ROBO2: variants seen among roughly 807,000 people sequenced by gnomAD.
The protein encoded by ROBO2 is roundabout homolog 2.
A neutral mutation model predicts 160.8 loss-of-function variants in ROBO2; 53 were observed. That is an observed-to-expected ratio of 0.33 (90% CI 0.26 to 0.41). The LOEUF (loss-of-function observed/expected upper bound fraction) is 0.41, where lower values mean the gene tolerates loss of function less well. Ranked by LOEUF, ROBO2 falls within the 10% of genes least tolerant of loss-of-function variation. The pLI, the probability that ROBO2 is intolerant of heterozygous loss-of-function variation, is 1.00. For synonymous variants in ROBO2, 664 were observed against 611.7 expected (o/e 1.09, Z -1.26); for missense variants, 1,577 against 1,722.4 (o/e 0.92, Z 1.49).
chr3:77,620,772 A>T (rs2094884330), intron 22 of ROBO2, among the ~76,000 whole-genome samples: 1 of 152,356 alleles, frequency 6.6e-6, no homozygotes, highest in South Asian at 2.1e-4. Context: ...CGGGAAGATT[A>T]AAATATTTTC....
At chr3:77,023,441 T>G (rs1013424239) in intron 2 of ROBO2, among the ~76,000 whole-genome samples, 1 of 152,226 alleles carries the variant, frequency 6.6e-6, no homozygotes, top group African/African-American at 2.4e-5. Flanking sequence ...AAACCATTTT[T>G]TTCTTTCATG....
At chr3:77,577,724 A>G (rs1395246096) in intron 15 of ROBO2, 110 bp downstream of exon 16, 8 of 1,315,312 alleles carry the variant, frequency 6.1e-6, no homozygotes, top group South Asian at 1.2e-5. Context: ...GTTTAAGTGT[A>G]AAGTTTTTAT....
At chr3:75,975,257 T>G (rs1288864484) in intron 2 of ROBO2, among the ~76,000 whole-genome samples, 3 of 151,476 alleles carry the variant, frequency 2.0e-5, no homozygotes, top group Non-Finnish European at 4.4e-5. Flanking sequence ...TAAACATATT[T>G]GTACCAATTT....
chr3:76,556,157 A>C lies in ROBO2; in HGVS notation c.110-541857A>C, dbSNP rs376002898. ...GTGAGAAAGAAAGAAAGAAAAAAGA[A>C]AAACTCCATAGGTTGTAGTCCTCAG... On this transcript the variant is annotated intron_variant, in intron 2 of 26. Transcript: ENST00000487694. Among the ~76,000 whole-genome samples the C allele has an allele frequency of 3.1e-3, 470 of 152,284 alleles. 7 individuals are homozygous for C. In the South Asian group the frequency reaches 0.033, roughly 11 times the overall value.
At chr3:76,784,330 A>G (rs1038630708) in intron 2 of ROBO2, among the ~76,000 whole-genome samples, 3 of 151,108 alleles carry the variant, frequency 2.0e-5, no homozygotes, top group African/African-American at 7.3e-5. Context: ...CCATGAGTAT[A>G]TCTGCTCCAC....
chr3:76,230,796 A>G (rs1392711875), intron 2 of ROBO2, among the ~76,000 whole-genome samples: 1 of 152,200 alleles, frequency 6.6e-6, no homozygotes, highest in East Asian at 1.9e-4. Flanking sequence ...TTATTTGGAA[A>G]TACATTTTTT....
At chr3:75,979,869 T>C (rs1385315639) in intron 2 of ROBO2, among the ~76,000 whole-genome samples, 3 of 151,624 alleles carry the variant, frequency 2.0e-5, no homozygotes, top group Non-Finnish European at 4.4e-5. Context: ...AAGTGTGCCA[T>C]TTAATTTTAT....
chr3:76,164,227 A>G (rs533211985), intron 2 of ROBO2, among the ~76,000 whole-genome samples: 2 of 152,264 alleles, frequency 1.3e-5, no homozygotes, highest in South Asian at 4.1e-4. Context: ...CTTCACTTCT[A>G]ACTCTAGTTT....
chr3:76,116,590 A>G (rs2070482411), intron 2 of ROBO2, among the ~76,000 whole-genome samples: 1 of 152,312 alleles, frequency 6.6e-6, no homozygotes, highest in Admixed American at 6.5e-5. Context: ...TGTAGGAGAT[A>G]TTAAACATCA....
At chr3:76,622,784 C>G (rs1320122075) in intron 2 of ROBO2, among the ~76,000 whole-genome samples, 1 of 152,118 alleles carries the variant, frequency 6.6e-6, no homozygotes, top group African/African-American at 2.4e-5. Flanking sequence ...TCTATGTATA[C>G]TTTATTACTT....
intron 2 of ROBO2, among the ~76,000 whole-genome samples, chr3:76,449,058 A>G (rs1276330172): frequency 6.6e-6 from 1 of 152,178 alleles, no homozygotes; most frequent in Non-Finnish European, 1.5e-5. Context: ...ATGATTTTTC[A>G]TTCACAAATA....
chr3:76,903,606 C>T (rs1241159706), intron 2 of ROBO2, among the ~76,000 whole-genome samples: 3 of 152,070 alleles, frequency 2.0e-5, no homozygotes, highest in African/African-American at 7.2e-5. Context: ...TCTCTCCTTC[C>T]TCTCACAAAC....
At chr3:75,970,709 T>G (rs2064968120) in intron 2 of ROBO2, among the ~76,000 whole-genome samples, 1 of 151,486 alleles carries the variant, frequency 6.6e-6, no homozygotes, top group Admixed American at 6.6e-5. Context: ...TTTCCAAGTT[T>G]GAAGCACACA....
At chr3:77,051,582 G>C (rs1042573222) in intron 1 of ROBO2, among the ~76,000 whole-genome samples, 6 of 152,224 alleles carry the variant, frequency 3.9e-5, no homozygotes, top group Non-Finnish European at 8.8e-5. Context: ...AATTCCAAGT[G>C]TATTCAACAT....
At chr3:76,573,982 T>G (rs1282960327) in intron 2 of ROBO2, among the ~76,000 whole-genome samples, 1 of 152,152 alleles carries the variant, frequency 6.6e-6, no homozygotes, top group South Asian at 2.1e-4. Context: ...CCATAGCATT[T>G]TCTTTGTCAT....
At chr3:76,226,948 T>C (rs1478950151) in intron 2 of ROBO2, among the ~76,000 whole-genome samples, 1 of 152,164 alleles carries the variant, frequency 6.6e-6, no homozygotes, top group Non-Finnish European at 1.5e-5. Context: ...GGCCTCACTG[T>C]GCATGTCAGC....
chr3:76,894,330 A>C (rs1483527647), intron 2 of ROBO2, among the ~76,000 whole-genome samples: 3 of 152,130 alleles, frequency 2.0e-5, no homozygotes, highest in African/African-American at 7.2e-5. Context: ...GCTGTAGATC[A>C]GATTATTGTT....
rs1016801689 is a variant in ROBO2 at position 77,452,794 on chromosome 3, T to G, written c.389-24620T>G. On this transcript the variant is annotated intron_variant, in intron 2 of 25. Coordinates refer to ENST00000461745, the Ensembl canonical transcript of ROBO2. ...GTTTTTTTTAAATAAAAAGCAGAAT[T>G]TAATTATAGAAATCAATGGGAAAAT... is the stretch of plus-strand genomic sequence containing the variant. 2.0e-5 allele frequency among the ~76,000 whole-genome samples: 3 copies of G among 152,132 alleles called. No homozygotes were observed. The East Asian group carries it at 5.8e-4, about 29-fold the overall frequency.
chr3:76,270,046 G>A (rs972342499), intron 2 of ROBO2, among the ~76,000 whole-genome samples: 2 of 152,000 alleles, frequency 1.3e-5, no homozygotes, highest in African/African-American at 4.8e-5. Flanking sequence ...TCTTTTTTTA[G>A]ATGTGGTTAA....
Sources: gnomAD v4.1 joint callset for allele counts (sites outside exome capture counted in the v4.1 genomes callset) on GRCh38, gnomAD v4.1.1 for gene constraint, MANE v1.5 for transcripts, NCBI Gene and HGNC (gene_info 2026-07-23, HGNC 2026-07-21) for gene names.